The following TNNI3K variants were observed in gnomAD, a reference collection of about 807,000 sequenced individuals.
The protein encoded by TNNI3K is serine/threonine-protein kinase TNNI3K.
Under a neutral mutation model 114.5 loss-of-function variants are expected in TNNI3K, and 140 were observed. The ratio of observed to expected loss-of-function variants is 1.22; its 90% confidence interval spans 1.07 to 1.41. TNNI3K has a LOEUF of 1.41. TNNI3K is among the 40% of genes most tolerant of loss of function. The pLI is 0.00. For missense variants in TNNI3K, 1,125 were observed against 1,007.6 expected (o/e 1.12, Z -1.58); for synonymous variants, 347 against 347.5 (o/e 1.00, Z 0.02).
intron 11 of TNNI3K, among the ~76,000 whole-genome samples, chr1:74,361,750 G>C (rs998451928): frequency 6.6e-6 from 1 of 152,100 alleles, no homozygotes; most frequent in East Asian, 1.9e-4. Context: ...GAAGGGGAAG[G>C]TCTCTCTGGG....
intron 5 of TNNI3K, among the ~76,000 whole-genome samples, chr1:74,327,174 T>C (rs1659955604): frequency 6.6e-6 from 1 of 151,528 alleles, no homozygotes; most frequent in African/African-American, 2.4e-5. Flanking sequence ...TGGATGTTTT[T>C]TGAGAGTCAA....
In TNNI3K at chr1:74,343,182, A is replaced by G. The variant is rs1660835195; in HGVS notation, c.932+3A>G. On this transcript the variant is annotated splice_donor_region_variant and intron_variant, in intron 9 of 24. Transcript: ENST00000326637. ...TTCAGTGAAACAGCTTTTCATAGGT[A>G]AAAGAATATTTAAGTGCAATAGCCA... 6.2e-7 allele frequency: 1 copy of G among 1,608,124 alleles called. No individual in the cohort carries two copies. The highest frequency in any genetic ancestry group is 8.5e-7 in the Non-Finnish European group (1 of 1,177,048).
At chr1:74,424,433 T>C (rs527895324) in intron 17 of TNNI3K, among the ~76,000 whole-genome samples, 1 of 151,844 alleles carries the variant, frequency 6.6e-6, no homozygotes, top group South Asian at 2.1e-4. Context: ...AAGAGAGAAA[T>C]AGAGGCTGGA....
chr1:74,452,361 G>A (rs1667062164), intron 20 of TNNI3K, among the ~76,000 whole-genome samples: 1 of 152,150 alleles, frequency 6.6e-6, no homozygotes, highest in African/African-American at 2.4e-5. Flanking sequence ...GGCTCCTTTT[G>A]ATTCTGTACT....
rs371412309 is a variant in TNNI3K, at chr1:74,544,034, G to T, written c.*52G>T. The T allele has an allele frequency of 6.3e-7, 1 of 1,578,144 alleles. No homozygotes were observed. Among genetic ancestry groups the T allele is most frequent in the South Asian group, 1.2e-5 (1 of 85,342 alleles). On this transcript the variant is annotated 3_prime_UTR_variant, in exon 25 of 25. Coordinates refer to ENST00000326637, the MANE Select transcript of TNNI3K (RefSeq NM_015978.3). ...GTTTTTTCCCCGAACTGACAGCAAC[G>T]ATTCCAACCACGGCAAGCTGGCTTC...
intron 9 of TNNI3K, among the ~76,000 whole-genome samples, chr1:74,349,849 G>T (rs537734875): frequency 1.3e-5 from 2 of 152,060 alleles, no homozygotes; most frequent in East Asian, 1.9e-4. Flanking sequence ...GCGTCTATTT[G>T]ATTCTTCCCT....
chr1:74,411,626 G>A (rs1557550160), intron 17 of TNNI3K, among the ~76,000 whole-genome samples: 1 of 151,818 alleles, frequency 6.6e-6, no homozygotes, highest in Non-Finnish European at 1.5e-5. Flanking sequence ...TGCCTACTAT[G>A]TGTCTTACAC....
chr1:74,376,094 AAGAC>A (rs1318432897), intron 17 of TNNI3K, among the ~76,000 whole-genome samples: 4 of 152,054 alleles, frequency 2.6e-5, no homozygotes, highest in African/African-American at 4.8e-5. Flanking sequence ...GTAATTTAAA[AAGAC>A]AGAGCTGTTA....
chr1:74,469,222 A>C (rs9782885), intron 21 of TNNI3K: 24 of 152,716 alleles, frequency 1.6e-4, no homozygotes, highest in African/African-American at 4.1e-4. Flanking sequence ...GATTTTGCAG[A>C]TCTTTATGGG....
Position 74,463,494 on chromosome 1 carries a change from T to A in TNNI3K, c.2065T>A (p.Ser689Thr). Reference sequence around the variant, plus strand: ...CCACATCAGACCTCCCATTGGCTATTCCATTCCCAAGCCCATATCATCTCT... The same window carrying A: ...CCACATCAGACCTCCCATTGGCTATACCATTCCCAAGCCCATATCATCTCT... The part of the protein sequence containing the change: ...YHHIRPPIGY[S>T]IPKPISSLLI... The change falls in exon 21 of 25, where the codon TCC becomes ACC. Residue 689 changes from serine to threonine, a missense_variant. Transcript: ENST00000326637. 2 of 1,614,208 alleles carry A rather than the reference T, an allele frequency of 1.2e-6. No individual in the cohort carries two copies. The highest frequency in any genetic ancestry group is 1.7e-6 in the Non-Finnish European group (2 of 1,180,040).
chr1:74,266,103 G>C (rs1381928703), intron 4 of TNNI3K, among the ~76,000 whole-genome samples: 1 of 151,964 alleles, frequency 6.6e-6, no homozygotes, highest in Non-Finnish European at 1.5e-5. Flanking sequence ...CAAAAATTCA[G>C]ACAGGATGCC....
intron 5 of TNNI3K, among the ~76,000 whole-genome samples, chr1:74,298,608 A>T (rs902625338): frequency 5.9e-5 from 9 of 152,094 alleles, no homozygotes; most frequent in African/African-American, 2.2e-4. Context: ...CTTCTGCTGT[A>T]GGTTTTTCTC....
chr1:74,352,927 A>G (rs918889163), intron 9 of TNNI3K, among the ~76,000 whole-genome samples: 1 of 152,132 alleles, frequency 6.6e-6, no homozygotes, highest in African/African-American at 2.4e-5. Context: ...AGGTGAGGCA[A>G]TGCCTCGCCC....
intron 5 of TNNI3K, among the ~76,000 whole-genome samples, chr1:74,321,987 T>C (rs1268912088): frequency 1.3e-5 from 2 of 152,026 alleles, no homozygotes; most frequent in Non-Finnish European, 2.9e-5. Context: ...AATATATAAA[T>C]TAAAAATAGA....
chr1:74,341,505 C>G (rs1311303716), intron 7 of TNNI3K: 2 of 150,964 alleles, frequency 1.3e-5, no homozygotes, highest in Non-Finnish European at 2.9e-5. Context: ...ATAGTGATCA[C>G]TTGATTCTTG....
At chr1:74,452,951 T>G (rs1025189925) in intron 20 of TNNI3K, among the ~76,000 whole-genome samples, 1 of 152,182 alleles carries the variant, frequency 6.6e-6, no homozygotes, top group African/African-American at 2.4e-5. Context: ...CAATTTATTT[T>G]TAGGTCTTAG....
At chr1:74,253,570 C>T (rs1410599659) in intron 4 of TNNI3K, among the ~76,000 whole-genome samples, 1 of 152,152 alleles carries the variant, frequency 6.6e-6, no homozygotes, top group Non-Finnish European at 1.5e-5. Flanking sequence ...GCACCCTCCG[C>T]AGCTGCTGGC....
intron 20 of TNNI3K, among the ~76,000 whole-genome samples, chr1:74,442,332 C>G (rs12086842): frequency 2.0e-5 from 3 of 151,968 alleles, no homozygotes; most frequent in Admixed American, 2.0e-4. Context: ...TGTGTCTACC[C>G]TTAAATCAAT....
Position 74,402,141 on chromosome 1 carries a change from C to T in TNNI3K, c.1772+31749C>T, listed in dbSNP as rs10157148. On this transcript the variant is annotated intron_variant, in intron 17 of 24. Transcript: ENST00000326637. ...ATCCAAGTGTAGACAGACAAAAACA[C>T]AACGGGGTCAAGTGATCTGACTTCT... 5.7e-3 allele frequency among the ~76,000 whole-genome samples: 862 copies of T among 152,170 alleles called. 8 individuals are homozygous for T. The highest frequency in any genetic ancestry group is 0.02 in the African/African-American group (815 of 41,522).
Sources: gnomAD v4.1 joint callset for allele counts (sites outside exome capture counted in the v4.1 genomes callset) on GRCh38, gnomAD v4.1.1 for gene constraint, MANE v1.5 for transcripts, NCBI Gene and HGNC (gene_info 2026-07-23, HGNC 2026-07-21) for gene names.